CYP11A1: variants seen among roughly 807,000 people sequenced by gnomAD.
CYP11A1 encodes cholesterol side-chain cleavage enzyme, mitochondrial.
In CYP11A1, 25 loss-of-function variants were observed where a neutral mutation model predicts 51.9. The ratio of observed to expected loss-of-function variants is 0.48; its 90% confidence interval spans 0.35 to 0.67. The LOEUF (loss-of-function observed/expected upper bound fraction) is 0.67. Ranked by LOEUF, CYP11A1 falls within the 30% of genes least tolerant of loss-of-function variation. The probability of loss-of-function intolerance (pLI) is 0.00; values close to 1 mark genes in which losing one functional copy is unlikely to be tolerated. For missense variants in CYP11A1, 578 were observed against 680.9 expected (o/e 0.85, Z 1.68); for synonymous variants, 245 against 262.1 (o/e 0.93, Z 0.63).
chr15:74,339,167 C>G, intron 7 of CYP11A1, 70 bp downstream of exon 7: 1 of 1,345,282 alleles, frequency 7.4e-7, no homozygotes, highest in Admixed American at 1.7e-5. Flanking sequence ...GTGCCACCCT[C>G]TGTCTGCAAT....
In CYP11A1 at chr15:74,338,678, T is replaced by G. The variant is rs1054131477; in HGVS notation, c.1327A>C (p.Lys443Gln). ...ENFDPTRWLS[K>Q]DKNITYFRNL... Reference sequence around the variant, plus strand: ...CGGAAGTAGGTGATGTTCTTGTCTTTGCTCAGCCATCGGGTTGGGTCAAAA... The same window carrying G: ...CGGAAGTAGGTGATGTTCTTGTCTTGGCTCAGCCATCGGGTTGGGTCAAAA... Residue 443 changes from lysine (K) to glutamine (Q), a missense_variant, in exon 8 of 9, where the codon AAA (lysine) becomes CAA (glutamine). Coordinates refer to ENST00000268053, the MANE Select transcript of CYP11A1 (RefSeq NM_000781.3). 1.9e-6 allele frequency: 3 copies of G among 1,614,168 alleles called. No homozygotes were observed. The highest frequency in any genetic ancestry group is 2.5e-6 in the Non-Finnish European group (3 of 1,180,014).
intron 1 of CYP11A1, among the ~76,000 whole-genome samples, chr15:74,355,471 C>G (rs1247353074): frequency 2.0e-5 from 3 of 152,142 alleles, no homozygotes; most frequent in Non-Finnish European, 4.4e-5. Context: ...TCCCACCTGT[C>G]CCTTCAGTCC....
chr15:74,367,533 G>T lies in CYP11A1; in HGVS notation c.53C>A (p.Thr18Asn). The T allele has an allele frequency of 6.2e-7, 1 of 1,614,196 alleles. No homozygotes were observed. The highest frequency in any genetic ancestry group is 8.5e-7 in the Non-Finnish European group (1 of 1,180,030). ...PRSVLVKGCQ[T>N]FLSAPREGLG... ...CCCCTCCCTGGGGGCACTCAGAAAG[G>T]TCTGGCAGCCTTTGACCAGGACTGA... The change falls in exon 1 of 9, where the codon ACC becomes AAC. Residue 18 changes from threonine to asparagine, a missense_variant. Coordinates refer to ENST00000268053, the MANE Select transcript of CYP11A1 (RefSeq NM_000781.3).
chr15:74,339,537 C>A, intron 6 of CYP11A1, 50 bp downstream of exon 6: 1 of 1,598,368 alleles, frequency 6.3e-7, no homozygotes, highest in South Asian at 1.1e-5. Context: ...ACTTCCCTGG[C>A]CCTGCCCAGG....
chr15:74,339,687 G>C lies in CYP11A1; in HGVS notation c.1057C>G (p.Arg353Gly). 3 of 1,614,070 alleles carry C rather than the reference G, an allele frequency of 1.9e-6. No individual in the cohort carries two copies. Among genetic ancestry groups the C allele is most frequent in the Non-Finnish European group, 2.5e-6 (3 of 1,180,010 alleles). Residue 353 changes from arginine to glycine, a missense_variant, in exon 6 of 9, where the codon CGG becomes GGG. By Grantham distance (125) the Arg-to-Gly change is moderately radical (BLOSUM62 -2). Coordinates refer to ENST00000268053, the MANE Select transcript of CYP11A1 (RefSeq NM_000781.3). ...ARNLKVQDMLRAEVLAARHQA... is the reference protein window; with the variant it reads ...ARNLKVQDMLGAEVLAARHQA... ...TGCCGCGCAGCCAAGACCTCTGCCC[G>C]CAGCATATCCTGCACCTTCAGGTTG...
At chr15:74,362,272 A>C (rs543369647) in intron 1 of CYP11A1, 2 of 291,238 alleles carry the variant, frequency 6.9e-6, no homozygotes, top group South Asian at 1.2e-4. Context: ...CCATATTCCT[A>C]GGAAAACAAT....
At chr15:74,353,530 T>C in intron 1 of CYP11A1, among the ~76,000 whole-genome samples, 1 of 152,240 alleles carries the variant, frequency 6.6e-6, no homozygotes. Context: ...TTATTGGTCA[T>C]ACGCCTAAAG....
chr15:74,349,522 C>G (rs2060646417), intron 1 of CYP11A1, among the ~76,000 whole-genome samples: 1 of 152,162 alleles, frequency 6.6e-6, no homozygotes, highest in South Asian at 2.1e-4. Flanking sequence ...GTTTTTCCAG[C>G]TACCATGTGT....
At position 74,345,091 on chromosome 15, in the gene CYP11A1, T is replaced by C; in HGVS notation, c.578A>G (p.Asn193Ser). 2 of 1,614,074 alleles carry C rather than the reference T, an allele frequency of 1.2e-6. No homozygotes were observed. The highest frequency in any genetic ancestry group is 1.7e-6 in the Non-Finnish European group (2 of 1,179,976). ...GTCATCACTGATGTCCCCCGAGTAA[T>C]TTCCGGAGCCCGCCTTCTTGATGCG... ...HRRIKKAGSG[N>S]YSGDISDDLF... is the part of the protein sequence containing the mutation. The change falls in exon 3 of 9, where the codon AAT becomes AGT. Residue 193 changes from asparagine to serine, a missense_variant. Transcript: ENST00000268053. This position sits in a 1 kb window ranked among gnomAD's most constrained non-coding sequence, Gnocchi z 4.3.
chr15:74,366,460 T>TTTA (rs146306514), intron 1 of CYP11A1, among the ~76,000 whole-genome samples: 3 of 137,690 alleles, frequency 2.2e-5, no homozygotes, highest in African/African-American at 8.3e-5. Context: ...ATTTTTTTTA[T>TTTA]TTTATTTATT....
At position 74,347,891 on chromosome 15, in the gene CYP11A1, A is replaced by G. The variant is rs1363701914; in HGVS notation, c.425+9T>C. The G allele has an allele frequency of 1.2e-6, 2 of 1,613,974 alleles. No homozygotes were observed. The highest frequency in any genetic ancestry group is 2.2e-5 in the South Asian group (2 of 91,050). On this transcript the variant is annotated intron_variant, in intron 2 of 8. Transcript: ENST00000268053. ...CCCTCCAGTCCCTGGGAGATGGCCC[A>G]GGACTCACTTCAACAGGACTCCTAT... is the stretch of plus-strand genomic sequence containing the variant.
chr15:74,358,306 C>T (rs1004121333), intron 1 of CYP11A1, among the ~76,000 whole-genome samples: 2 of 152,218 alleles, frequency 1.3e-5, no homozygotes, highest in African/African-American at 4.8e-5. Flanking sequence ...TACTCCCCTA[C>T]TAAAACTTCC....
At chr15:74,357,867 C>T (rs1454258532) in intron 1 of CYP11A1, among the ~76,000 whole-genome samples, 1 of 152,216 alleles carries the variant, frequency 6.6e-6, no homozygotes, top group Non-Finnish European at 1.5e-5. Flanking sequence ...GTTCTCATAA[C>T]TTCCAAAATC....
intron 1 of CYP11A1, 58 bp downstream of exon 1, chr15:74,367,259 G>A (rs1338315891): frequency 2.3e-5 from 37 of 1,605,606 alleles, no homozygotes; most frequent in Non-Finnish European, 2.7e-5. Flanking sequence ...CTACAGCAGG[G>A]CTACCCAGGC....
rs765022789 is a variant in CYP11A1, at chr15:74,343,187, G to C, written c.830-50C>G. 8 of 1,599,566 alleles carry C rather than the reference G, an allele frequency of 5.0e-6. No homozygotes were observed. The Admixed American group carries it at 6.7e-5, about 13-fold the overall frequency. ...AGAGTGAGGTTCCCTGCAGGCGGGT[G>C]GGAAGGAGGGCAGTCTGTGGTGAAA... is the stretch of plus-strand genomic sequence containing the variant. On this transcript the variant is annotated intron_variant, in intron 4 of 8. Transcript: ENST00000268053.
chr15:74,343,338 C>T (rs1426666911), intron 4 of CYP11A1, among the ~76,000 whole-genome samples: 1 of 152,154 alleles, frequency 6.6e-6, no homozygotes, highest in Admixed American at 6.5e-5. Context: ...TATGTGACAT[C>T]ATCCCCATTT....
intron 1 of CYP11A1, among the ~76,000 whole-genome samples, chr15:74,355,989 C>G (rs1445951659): frequency 6.6e-6 from 1 of 152,214 alleles, no homozygotes; most frequent in African/African-American, 2.4e-5. Flanking sequence ...GAATCCGGCC[C>G]TCAAACCTCG....
At chr15:74,338,519 CAT>C (rs953733004) in intron 8 of CYP11A1, 50 bp downstream of exon 8, 2 of 1,582,374 alleles carry the variant, frequency 1.3e-6, no homozygotes, top group African/African-American at 2.7e-5. Context: ...TTGGTGCCTT[CAT>C]TAGGGCCAGG....
chr15:74,352,384 C>T (rs1473518299), intron 1 of CYP11A1, among the ~76,000 whole-genome samples: 1 of 150,886 alleles, frequency 6.6e-6, no homozygotes, highest in African/African-American at 2.4e-5. Context: ...ATTCTCCTGC[C>T]TCAGCCTCCT....
Sources: allele counts gnomAD v4.1 joint callset (sites outside exome capture counted in the v4.1 genomes callset), GRCh38; gene constraint gnomAD v4.1.1; non-coding constraint Gnocchi (gnomAD v3.1); transcripts MANE v1.5; gene names NCBI Gene and HGNC (gene_info 2026-07-23, HGNC 2026-07-21).